Variants in TMEM192 observed in about 807,000 individuals in gnomAD.
TMEM192 encodes the protein transmembrane protein 192.
Under a neutral mutation model 26.7 loss-of-function variants are expected in TMEM192, and 20 were observed. The ratio of observed to expected loss-of-function variants is 0.75; its 90% confidence interval spans 0.53 to 1.09. The LOEUF (loss-of-function observed/expected upper bound fraction) is 1.09, where lower values mean the gene tolerates loss of function less well. TMEM192 is among the 50% of genes least tolerant of loss of function. TMEM192 has a pLI of 0.00. For missense variants in TMEM192, 304 were observed against 322.6 expected, an observed-to-expected ratio of 0.94 and a Z score of 0.44; for synonymous variants, 124 against 121.0, an observed-to-expected ratio of 1.02 and a Z score of -0.16.
intron 3 of TMEM192, among the ~76,000 whole-genome samples, chr4:165,092,517 C>T (rs1467922317): frequency 6.6e-6 from 1 of 152,138 alleles, no homozygotes; most frequent in African/African-American, 2.4e-5. Context: ...GTTTGCACCC[C>T]CTACCACACA....
At chr4:165,110,016 G>A (rs997312801) in intron 1 of TMEM192, among the ~76,000 whole-genome samples, 1 of 152,142 alleles carries the variant, frequency 6.6e-6, no homozygotes, top group African/African-American at 2.4e-5. Flanking sequence ...CACTGAAGGA[G>A]TTGGGGACTA....
chr4:165,096,479 G>C (rs1355506859), intron 3 of TMEM192, among the ~76,000 whole-genome samples: 1 of 151,634 alleles, frequency 6.6e-6, no homozygotes. Context: ...ATTTTCACTT[G>C]GTAGGAAAGC....
In TMEM192 at chr4:165,103,106, A is replaced by G. The variant is rs17487808; in HGVS notation, c.28-10T>C. On this transcript the variant is annotated splice_polypyrimidine_tract_variant and intron_variant, in intron 1 of 5. Coordinates refer to ENST00000306480, the MANE Select transcript of TMEM192 (RefSeq NM_001100389.2). Reference sequence around the variant, plus strand: ...TGATATCCAAGGAACCCTGGGGTGCAGAAAAACAAGCAACCTATAATCACC... The same window carrying G: ...TGATATCCAAGGAACCCTGGGGTGCGGAAAAACAAGCAACCTATAATCACC... 19,702 of 1,592,326 alleles carry G rather than the reference A, an allele frequency of 0.012. 268 individuals carry two copies. The highest frequency in any genetic ancestry group is 0.047 in the African/African-American group (3,516 of 74,228).
intron 2 of TMEM192, 79 bp from the exon 3 acceptor site, chr4:165,100,971 CTT>C (rs71602569): frequency 0.034 from 25,893 of 757,524 alleles, no homozygotes; most frequent in East Asian, 0.056. Flanking sequence ...AGCATACATT[CTT>C]TTTTTTTTTT....
intron 3 of TMEM192, 49 bp downstream of exon 3, chr4:165,100,579 C>T: frequency 6.4e-7 from 1 of 1,568,056 alleles, no homozygotes; most frequent in South Asian, 1.2e-5. Flanking sequence ...TTTCTGCTGT[C>T]ATTTTTGTCC....
intron 1 of TMEM192, among the ~76,000 whole-genome samples, chr4:165,104,576 G>C (rs1271761946): frequency 6.6e-6 from 1 of 152,172 alleles, no homozygotes; most frequent in African/African-American, 2.4e-5. Flanking sequence ...TGTCGCCGAG[G>C]CTGGAGTGCA....
At chr4:165,094,930 C>T (rs1357664175) in intron 3 of TMEM192, among the ~76,000 whole-genome samples, 5 of 151,366 alleles carry the variant, frequency 3.3e-5, no homozygotes, top group Non-Finnish European at 1.5e-5. Flanking sequence ...GCCAAGATCG[C>T]ACCACTGCTT....
In TMEM192 at chr4:165,084,678, G is replaced by A. The variant is rs554928189; in HGVS notation, c.677+908C>T. Among the ~76,000 whole-genome samples, 10 of 151,278 alleles carry A rather than the reference G, an allele frequency of 6.6e-5. No homozygotes were observed. The South Asian group carries it at 1.9e-3, about 29-fold the overall frequency. ...AATCCCAGCACTTTGGGAGGCCGAG[G>A]TGGATGGATCACTTGAGGTCAGGAG... is the stretch of plus-strand genomic sequence containing the variant. On this transcript the variant is annotated intron_variant, in intron 5 of 5. Coordinates refer to ENST00000306480, the MANE Select transcript of TMEM192 (RefSeq NM_001100389.2).
At chr4:165,106,450 G>C (rs1027677219) in intron 1 of TMEM192, among the ~76,000 whole-genome samples, 1 of 152,212 alleles carries the variant, frequency 6.6e-6, no homozygotes, top group African/African-American at 2.4e-5. Context: ...GGATGGCAAA[G>C]TATCGTCTGT....
chr4:165,090,994 G>A (rs986031096), intron 3 of TMEM192, among the ~76,000 whole-genome samples: 18 of 151,246 alleles, frequency 1.2e-4, no homozygotes, highest in Non-Finnish European at 1.8e-4. Flanking sequence ...GGCCAGGCAC[G>A]GTGGCTCAAG....
intron 1 of TMEM192, among the ~76,000 whole-genome samples, chr4:165,105,115 C>T (rs377494031): frequency 1.3e-5 from 2 of 152,180 alleles, no homozygotes; most frequent in East Asian, 3.8e-4. Flanking sequence ...TTCTATCAAA[C>T]TATCCTGTGA....
At position 165,112,730 on chromosome 4, in the gene TMEM192, C is replaced by T. The variant is rs1413498136; in HGVS notation, c.27+17G>A. 3.7e-6 allele frequency: 6 copies of T among 1,609,064 alleles called. No homozygotes were observed. The highest frequency in any genetic ancestry group is 5.1e-6 in the Non-Finnish European group (6 of 1,179,178). On this transcript the variant is annotated intron_variant, in intron 1 of 5. Coordinates refer to ENST00000306480, the MANE Select transcript of TMEM192 (RefSeq NM_001100389.2). ...GCGGATTCCGGGGCCAACCGCCCGC[C>T]GCCTCCGTGCACTCACGTCCTCCAT...
rs1012500487 is a variant in TMEM192, at chr4:165,079,437, T to A, written c.*221A>T. 2.2e-6 allele frequency: 1 copy of A among 449,402 alleles called. No individual in the cohort carries two copies. Among genetic ancestry groups the A allele is most frequent in the Non-Finnish European group, 3.9e-6 (1 of 256,922 alleles). The allele number at this position is 449,402 out of a possible 1,614,324, so 27.8% of individuals were successfully genotyped here. A position where few individuals can be genotyped will look rare whatever the true frequency, so the allele number is the denominator to read the frequency against. On this transcript the variant is annotated 3_prime_UTR_variant, in exon 6 of 6. Transcript: ENST00000306480. ...TAATTTCCAAAAGTACAAACAGACA[T>A]TCCCCTCAAGTTATCCGGGCTTCTA...
At chr4:165,100,372 A>C (rs1272180315) in intron 3 of TMEM192, among the ~76,000 whole-genome samples, 1 of 151,908 alleles carries the variant, frequency 6.6e-6, no homozygotes, top group African/African-American at 2.4e-5. Flanking sequence ...GTTGGCCAGG[A>C]TGGTCTCGAT....
chr4:165,089,663 G>A (rs12498760), intron 3 of TMEM192, among the ~76,000 whole-genome samples: 38,777 of 151,878 alleles, frequency 0.26, 5,558 homozygotes, highest in Admixed American at 0.39. Context: ...CTTTGGGAGA[G>A]AGGAGTCTAG....
chr4:165,096,262 G>A (rs1384149118), intron 3 of TMEM192, among the ~76,000 whole-genome samples: 1 of 151,952 alleles, frequency 6.6e-6, no homozygotes, highest in East Asian at 2.0e-4. Flanking sequence ...ATAAAAATTA[G>A]CTGTGTGTGG....
Position 165,100,769 on chromosome 4 carries a change from T to C in TMEM192, c.298A>G (p.Lys100Glu), listed in dbSNP as rs200568559. 6.2e-7 allele frequency: 1 copy of C among 1,614,076 alleles called. No individual in the cohort carries two copies. Among genetic ancestry groups the C allele is most frequent in the East Asian group, 2.2e-5 (1 of 44,862 alleles). Reference sequence around the variant, plus strand: ...AAATGGAGAATCCACAAAATAACTTTCCCAAGGATTATAACCGTCTGAACT... The same window carrying C: ...AAATGGAGAATCCACAAAATAACTTCCCCAAGGATTATAACCGTCTGAACT... ...LKVQTVIILG[K>E]VILWILHLLL... The change falls in exon 3 of 6, where the codon AAA becomes GAA. Residue 100 changes from lysine to glutamate, a missense_variant. Physicochemically the swap from Lys to Glu is moderately conservative, Grantham distance 56. Coordinates refer to ENST00000306480, the MANE Select transcript of TMEM192 (RefSeq NM_001100389.2).
At chr4:165,088,754 C>T in intron 3 of TMEM192, 152 bp from the exon 4 acceptor site, 2 of 751,010 alleles carry the variant, frequency 2.7e-6, no homozygotes, top group Non-Finnish European at 4.0e-6. Context: ...AAATGAAGAC[C>T]CAGGCCAGGT....
chr4:165,097,805 CTTAT>C (rs937165980), intron 3 of TMEM192, among the ~76,000 whole-genome samples: 9 of 150,806 alleles, frequency 6.0e-5, no homozygotes, highest in South Asian at 2.1e-4. Flanking sequence ...TTTTATTTTA[CTTAT>C]TTATTTATTT....
Sources: gnomAD v4.1 joint callset for allele counts (sites outside exome capture counted in the v4.1 genomes callset) on GRCh38, gnomAD v4.1.1 for gene constraint, MANE v1.5 for transcripts, NCBI Gene and HGNC (gene_info 2026-07-23, HGNC 2026-07-21) for gene names.